The following FMN1 variants were observed in gnomAD, a reference collection of about 807,000 sequenced individuals.
FMN1 encodes the protein formin-1.
Under a neutral mutation model 132.4 loss-of-function variants are expected in FMN1, and 110 were observed. The ratio of observed to expected loss-of-function variants is 0.83; its 90% CI spans 0.71 to 0.97. The LOEUF (loss-of-function observed/expected upper bound fraction) is 0.97, where lower values mean the gene tolerates loss of function less well. FMN1 is among the 50% of genes least tolerant of loss of function. The pLI, the probability that FMN1 is intolerant of heterozygous loss-of-function variation, is 0.00. For synonymous variants in FMN1, 722 were observed against 651.7 expected (o/e 1.11, Z -1.64); for missense variants, 1,792 against 1,705.3 (o/e 1.05, Z -0.90).
intron 17 of FMN1, among the ~76,000 whole-genome samples, chr15:32,841,817 T>C (rs1278333091): frequency 6.6e-6 from 1 of 152,240 alleles, no homozygotes; most frequent in Admixed American, 6.5e-5. Context: ...TGTATTTTGC[T>C]ATTTATCTCA....
At chr15:32,821,473 A>G (rs1234437589) in intron 17 of FMN1, among the ~76,000 whole-genome samples, 1 of 96,328 alleles carries the variant, frequency 1.0e-5, no homozygotes, top group Non-Finnish European at 1.9e-5. Flanking sequence ...TTTTTTTGAG[A>G]TGGAGTCTTG....
chr15:32,832,668 C>T (rs2058529687), intron 17 of FMN1, among the ~76,000 whole-genome samples: 1 of 152,088 alleles, frequency 6.6e-6, no homozygotes, highest in South Asian at 2.1e-4. Context: ...ATCCCAGCTA[C>T]TTGGGAGACT....
At chr15:33,172,151 T>G (rs1268506817) in intron 3 of FMN1, among the ~76,000 whole-genome samples, 1 of 149,902 alleles carries the variant, frequency 6.7e-6, no homozygotes, top group Non-Finnish European at 1.5e-5. Flanking sequence ...GAGCTTGCAG[T>G]GAGCCGAGAT....
At chr15:32,848,400 A>G in intron 17 of FMN1, among the ~76,000 whole-genome samples, 1 of 152,136 alleles carries the variant, frequency 6.6e-6, no homozygotes, top group Admixed American at 6.5e-5. Flanking sequence ...GCCTTTAAAC[A>G]TTTCCTTGCA....
intron 9 of FMN1, among the ~76,000 whole-genome samples, chr15:32,935,982 C>G (rs1193858224): frequency 1.3e-5 from 2 of 152,132 alleles, no homozygotes; most frequent in Non-Finnish European, 2.9e-5. Flanking sequence ...AACGACCTCT[C>G]TTTATCTGAT....
intron 6 of FMN1, among the ~76,000 whole-genome samples, chr15:33,010,050 A>C (rs985417504): frequency 3.9e-5 from 6 of 152,030 alleles, no homozygotes; most frequent in Non-Finnish European, 7.4e-5. Flanking sequence ...TGCCCAGCTA[A>C]TTTTTGTATT....
Position 33,069,991 on chromosome 15 carries a change from C to CTTTTTTT in FMN1, c.2044-4918_2044-4917insAAAAAAA, listed in dbSNP as rs1566888327. Among the ~76,000 whole-genome samples, 26 of 59,602 alleles carry CTTTTTTT rather than the reference C, an allele frequency of 4.4e-4. 1 individual carries two copies. Among genetic ancestry groups the CTTTTTTT allele is most frequent in the African/African-American group, 1.2e-3 (24 of 20,358 alleles). 39.1% of individuals were successfully genotyped at this position (59,602 alleles called of 152,430 possible). A position where few individuals can be genotyped will look rare whatever the true frequency, so the allele number is the denominator to read the frequency against. ...ACAACAGATCATAAGATCAGTCTTT[C>CTTTTTTT]TCTTTTTTTTTTTTTTTTTTTTTTT... On this transcript the variant is annotated intron_variant, in intron 5 of 20. Coordinates refer to ENST00000616417, the MANE Select transcript of FMN1 (RefSeq NM_001277313.2).
intron 5 of FMN1, among the ~76,000 whole-genome samples, chr15:33,081,260 A>G (rs1319887725): frequency 6.6e-6 from 1 of 152,234 alleles, no homozygotes; most frequent in East Asian, 1.9e-4. Context: ...GGCAGGCAGC[A>G]AACGGTTGAA....
chr15:32,937,662 C>T (rs1341208341), intron 9 of FMN1, among the ~76,000 whole-genome samples: 1 of 152,176 alleles, frequency 6.6e-6, no homozygotes, highest in African/African-American at 2.4e-5. Context: ...CTCCCAGTCA[C>T]AAAGTGGCTC....
chr15:33,026,515 A>T (rs1170051805), intron 6 of FMN1, among the ~76,000 whole-genome samples: 1 of 152,114 alleles, frequency 6.6e-6, no homozygotes, highest in African/African-American at 2.4e-5. Context: ...ATGTACACTC[A>T]AACAATATAT....
intron 15 of FMN1, among the ~76,000 whole-genome samples, chr15:32,891,954 GGAGGA>G (rs1356116857): frequency 6.6e-6 from 1 of 152,112 alleles, no homozygotes; most frequent in Non-Finnish European, 1.5e-5. Flanking sequence ...GGCGCTTTCT[GGAGGA>G]GTCTTTAGGG....
At chr15:33,096,307 G>A (rs922434759) in intron 4 of FMN1, among the ~76,000 whole-genome samples, 3 of 152,164 alleles carry the variant, frequency 2.0e-5, no homozygotes, top group African/African-American at 4.8e-5. Flanking sequence ...GCCAGCACTA[G>A]AGCCAATAAG....
At chr15:33,089,855 T>G (rs1050178954) in intron 4 of FMN1, among the ~76,000 whole-genome samples, 1 of 152,224 alleles carries the variant, frequency 6.6e-6, no homozygotes, top group African/African-American at 2.4e-5. Context: ...AAAAGGATTT[T>G]ACGGTCAAGT....
chr15:32,933,394 C>G (rs113379121), intron 9 of FMN1, among the ~76,000 whole-genome samples: 6 of 152,248 alleles, frequency 3.9e-5, no homozygotes, highest in African/African-American at 1.2e-4. Context: ...TCTGACATAA[C>G]GTGTGACTTA....
At chr15:33,001,978 C>T (rs2034145982) in intron 7 of FMN1, among the ~76,000 whole-genome samples, 1 of 152,222 alleles carries the variant, frequency 6.6e-6, no homozygotes, top group South Asian at 2.1e-4. Context: ...GGTGATAGGG[C>T]TTGCATTTTG....
chr15:32,981,039 T>C (rs1489115775), intron 7 of FMN1, among the ~76,000 whole-genome samples: 6 of 152,084 alleles, frequency 3.9e-5, no homozygotes, highest in Admixed American at 2.6e-4. Flanking sequence ...ACATTTCTTA[T>C]AATTCATGTT....
chr15:33,016,523 G>T (rs545129518), intron 6 of FMN1, among the ~76,000 whole-genome samples: 37 of 152,304 alleles, frequency 2.4e-4, no homozygotes, highest in African/African-American at 7.9e-4. Flanking sequence ...GTGTCTGTCA[G>T]AAACAGTGGA....
chr15:32,781,333 A>G (rs1189104841), intron 19 of FMN1, among the ~76,000 whole-genome samples: 2 of 152,218 alleles, frequency 1.3e-5, no homozygotes, highest in African/African-American at 4.8e-5. Context: ...TTAGCTCTTT[A>G]TTTAGCTAAT....
intron 5 of FMN1, chr15:33,066,851 A>C (rs1286359864): frequency 3.7e-6 from 6 of 1,613,850 alleles, no homozygotes; most frequent in Non-Finnish European, 5.1e-6. Context: ...CAGCAGAGAG[A>C]GCTGCTCCAG....
Sources: gnomAD v4.1 joint callset for allele counts (sites outside exome capture counted in the v4.1 genomes callset) on GRCh38, gnomAD v4.1.1 for gene constraint, MANE v1.5 for transcripts, NCBI Gene and HGNC (gene_info 2026-07-23, HGNC 2026-07-21) for gene names.